Variants in CSMD1 observed in about 807,000 individuals in gnomAD.
CSMD1 encodes the protein CUB and Sushi multiple domains 1, also known as CUB and sushi domain-containing protein 1.
CSMD1 carries 213 observed loss-of-function variants against 417.5 expected under a neutral mutation model. The observed-to-expected ratio is 0.51, with a 90% CI of 0.46 to 0.57. CSMD1 has a LOEUF of 0.57. CSMD1 is among the 20% of genes least tolerant of loss of function. The probability of loss-of-function intolerance (pLI) is 0.00; values close to 1 mark genes in which losing one functional copy is unlikely to be tolerated. For missense variants in CSMD1, 6,923 were observed against 4,529.7 expected (o/e 1.53, Z -15.17); for synonymous variants, 2,862 against 1,736.8 (o/e 1.65, Z -16.11).
chr8:3,997,100 A>G (rs982796064), intron 5 of CSMD1, among the ~76,000 whole-genome samples: 1 of 152,218 alleles, frequency 6.6e-6, no homozygotes, highest in Non-Finnish European at 1.5e-5. Flanking sequence ...AAGATCTAAA[A>G]CAGATAACTG....
chr8:3,257,084 G>C (rs1800707837), intron 26 of CSMD1, among the ~76,000 whole-genome samples: 1 of 152,178 alleles, frequency 6.6e-6, no homozygotes, highest in Non-Finnish European at 1.5e-5. Context: ...CACTTTGGGA[G>C]GCCAAGGTGG....
intron 10 of CSMD1, among the ~76,000 whole-genome samples, chr8:3,520,706 G>A (rs1039171047): frequency 1.3e-5 from 2 of 151,770 alleles, no homozygotes; most frequent in African/African-American, 4.8e-5. Flanking sequence ...CCTTCTGCTT[G>A]TTGCATGGCT....
At chr8:3,526,736 G>C (rs1488493181) in intron 10 of CSMD1, among the ~76,000 whole-genome samples, 4 of 152,152 alleles carry the variant, frequency 2.6e-5, no homozygotes, top group Non-Finnish European at 4.4e-5. Flanking sequence ...CCTTCAATAA[G>C]TTACTTACCC....
chr8:4,281,821 G>C (rs1651574828), intron 3 of CSMD1, among the ~76,000 whole-genome samples: 1 of 152,130 alleles, frequency 6.6e-6, no homozygotes, highest in African/African-American at 2.4e-5. Flanking sequence ...GTAAAACACT[G>C]ATTTTCTAGA....
intron 3 of CSMD1, among the ~76,000 whole-genome samples, chr8:4,279,243 T>A (rs1443390048): frequency 6.6e-6 from 1 of 152,180 alleles, no homozygotes; most frequent in African/African-American, 2.4e-5. Context: ...ATGGCACAAG[T>A]GTGCAAGCCA....
chr8:3,661,775 G>C (rs567699490), intron 7 of CSMD1, among the ~76,000 whole-genome samples: 13 of 152,278 alleles, frequency 8.5e-5, no homozygotes, highest in Non-Finnish European at 7.3e-5. Context: ...GGGGTGACAG[G>C]CCTGAGCCAC....
At chr8:4,627,653 C>A (rs1299487357) in intron 2 of CSMD1, among the ~76,000 whole-genome samples, 1 of 152,108 alleles carries the variant, frequency 6.6e-6, no homozygotes, top group South Asian at 2.1e-4. Flanking sequence ...ACCTCCCATT[C>A]CTGGTCACTC....
chr8:3,776,904 G>C (rs76626439), intron 5 of CSMD1, among the ~76,000 whole-genome samples: 14,198 of 150,622 alleles, frequency 0.094, 887 homozygotes, highest in African/African-American at 0.17. Flanking sequence ...TTGCAGAGAC[G>C]GGGTCTCACC....
Position 3,408,087 on chromosome 8 carries a change from T to G in CSMD1, c.1883A>C (p.Asp628Ala). The change falls in exon 14 of 70, where the codon GAT (aspartate) becomes GCT (alanine). Residue 628 changes from aspartate to alanine, a missense_variant. Coordinates refer to ENST00000635120, the MANE Select transcript of CSMD1 (RefSeq NM_033225.6). ...GTCAAACTGAGGCTCAACATCAAAA[T>G]CATTAAAGATTAGGTGAATTCGACT... ...PGSRIHLIFN[D>A]FDVEPQFDFL... 1 of 1,613,922 alleles carries G rather than the reference T, an allele frequency of 6.2e-7. No homozygotes were observed. Among genetic ancestry groups the G allele is most frequent in the Non-Finnish European group, 8.5e-7 (1 of 1,179,880 alleles).
chr8:4,139,527 G>C lies in CSMD1; in HGVS notation c.416-107428C>G, dbSNP rs138327580. On this transcript the variant is annotated intron_variant, in intron 3 of 69. Transcript: ENST00000635120. ...GCATTCAGTGTTGTGGATCTCAGGG[G>C]AGTGGCACTCATCCTGCACGACGAT... 7.6e-4 allele frequency among the ~76,000 whole-genome samples: 113 copies of C among 149,454 alleles called. 3 individuals are homozygous for C. The East Asian group carries it at 0.018, about 24-fold the overall frequency.
At chr8:2,955,482 C>A in intron 64 of CSMD1, 107 bp downstream of exon 64, 1 of 1,078,256 alleles carries the variant, frequency 9.3e-7, no homozygotes, top group East Asian at 2.5e-5. Flanking sequence ...ATGCTGCAGC[C>A]TCATGCTCTT....
At chr8:4,218,429 A>C (rs934805698) in intron 3 of CSMD1, among the ~76,000 whole-genome samples, 1 of 152,154 alleles carries the variant, frequency 6.6e-6, no homozygotes, top group African/African-American at 2.4e-5. Context: ...TTATATACCT[A>C]CTTTTATTCT....
At chr8:4,942,342 T>C (rs558404077) in intron 1 of CSMD1, among the ~76,000 whole-genome samples, 27 of 152,248 alleles carry the variant, frequency 1.8e-4, no homozygotes, top group African/African-American at 5.8e-4. Flanking sequence ...GAATAACCCA[T>C]TGCTTTCTCG....
Position 4,598,276 on chromosome 8 carries a change from G to T in CSMD1, c.302+39066C>A, listed in dbSNP as rs145895315. On this transcript the variant is annotated intron_variant, in intron 2 of 69. Transcript: ENST00000635120. The stretch of plus-strand genomic sequence containing the variant: ...ACTCACCTTGCTCAAACACAATGAT[G>T]ATTTGGATTTGCTATTTGAATTACG... Among the ~76,000 whole-genome samples, 139 of 152,262 alleles carry T rather than the reference G, an allele frequency of 9.1e-4. 2 individuals are homozygous for T. In the Middle Eastern group the frequency reaches 0.017, roughly 19 times the overall value.
intron 2 of CSMD1, among the ~76,000 whole-genome samples, chr8:4,588,976 T>C (rs984244028): frequency 6.6e-6 from 1 of 152,136 alleles, no homozygotes; most frequent in Non-Finnish European, 1.5e-5. Context: ...TACAATATAC[T>C]ATATATAATA....
At chr8:3,807,987 G>C (rs1292512860) in intron 5 of CSMD1, among the ~76,000 whole-genome samples, 1 of 152,120 alleles carries the variant, frequency 6.6e-6, no homozygotes, top group East Asian at 1.9e-4. Flanking sequence ...CTATTCCTGT[G>C]TCATTTAAAT....
At chr8:4,791,092 C>A (rs187119601) in intron 1 of CSMD1, among the ~76,000 whole-genome samples, 36 of 146,340 alleles carry the variant, frequency 2.5e-4, no homozygotes, top group Admixed American at 6.0e-4. Context: ...GTGAGAGAGA[C>A]GGTGAGAAGA....
intron 1 of CSMD1, among the ~76,000 whole-genome samples, chr8:4,891,303 T>A (rs73505831): frequency 6.6e-6 from 1 of 152,162 alleles, no homozygotes; most frequent in Non-Finnish European, 1.5e-5. Context: ...GTGAAGACAC[T>A]AAGCTAACAA....
At chr8:4,542,522 G>A (rs1289870863) in intron 2 of CSMD1, among the ~76,000 whole-genome samples, 2 of 152,158 alleles carry the variant, frequency 1.3e-5, no homozygotes, top group East Asian at 3.9e-4. Context: ...CCTCCTTTAT[G>A]AATGCTGTTG....
Sources: gnomAD v4.1 joint callset for allele counts (sites outside exome capture counted in the v4.1 genomes callset) on GRCh38, gnomAD v4.1.1 for gene constraint, MANE v1.5 for transcripts, NCBI Gene and HGNC (gene_info 2026-07-23, HGNC 2026-07-21) for gene names.